The following DMRT1 variants were observed in gnomAD, a reference collection of about 807,000 sequenced individuals.
The protein encoded by DMRT1 is doublesex- and mab-3-related transcription factor 1.
In DMRT1, 7 loss-of-function variants were observed where a neutral mutation model predicts 32.3. The ratio of observed to expected loss-of-function variants is 0.22; its 90% CI spans 0.12 to 0.41. The LOEUF (loss-of-function observed/expected upper bound fraction) is 0.41. DMRT1 is among the 10% of genes least tolerant of loss of function. DMRT1 has a pLI of 1.00. For synonymous variants in DMRT1, 278 were observed against 206.1 expected (o/e 1.35, Z -2.99); for missense variants, 625 against 500.5 (o/e 1.25, Z -2.37).
intron 2 of DMRT1, among the ~76,000 whole-genome samples, chr9:848,702 C>T (rs1484908974): frequency 6.7e-6 from 1 of 149,648 alleles, no homozygotes; most frequent in East Asian, 2.0e-4. Context: ...TACAGGCGCC[C>T]GCCACCACAC....
chr9:941,693 T>G (rs1220702001), intron 4 of DMRT1, among the ~76,000 whole-genome samples: 1 of 152,132 alleles, frequency 6.6e-6, no homozygotes, highest in Non-Finnish European at 1.5e-5. Flanking sequence ...GATGGTAAAT[T>G]TTATGTTTAC....
In DMRT1 at chr9:895,539, C is replaced by T. The variant is rs546047926; in HGVS notation, c.822+1344C>T. Among the ~76,000 whole-genome samples, 9 of 152,176 alleles carry T rather than the reference C, an allele frequency of 5.9e-5. No individual in the cohort carries two copies. The East Asian group carries it at 7.7e-4, about 13-fold the overall frequency. On this transcript the variant is annotated intron_variant, in intron 3 of 4. Transcript: ENST00000382276. Reference sequence around the variant, plus strand: ...TTTTTCACTTTCCCAGCTTTATTGACGTATCATGGGTAAAAAAAGTTGTAT... The same window carrying T: ...TTTTTCACTTTCCCAGCTTTATTGATGTATCATGGGTAAAAAAAGTTGTAT...
chr9:842,481 C>A (rs1274923788), intron 1 of DMRT1: 2 of 407,636 alleles, frequency 4.9e-6, no homozygotes, highest in Admixed American at 8.4e-5. Context: ...GGTGATCCAC[C>A]CGCCTCGGCC....
intron 2 of DMRT1, among the ~76,000 whole-genome samples, chr9:862,489 AGGGGAGACGAGGACCGTGCAAT>A (rs1815761121): frequency 2.1e-5 from 2 of 94,880 alleles, no homozygotes; most frequent in South Asian, 4.0e-4. Context: ...GACGGTGCAA[AGGGGAGACGAGGACCGTGCAAT>A]GGGGAGGGGG....
chr9:866,919 G>C (rs180732842), intron 2 of DMRT1, among the ~76,000 whole-genome samples: 1 of 152,062 alleles, frequency 6.6e-6, no homozygotes, highest in Non-Finnish European at 1.5e-5. Context: ...TTGAATAAGC[G>C]GCCTTATTGG....
At chr9:854,448 T>C (rs1315710478) in intron 2 of DMRT1, among the ~76,000 whole-genome samples, 1 of 152,072 alleles carries the variant, frequency 6.6e-6, no homozygotes, top group Non-Finnish European at 1.5e-5. Flanking sequence ...CATGCCTGGC[T>C]AATTTTTGTA....
chr9:859,506 G>T (rs1815558459), intron 2 of DMRT1, among the ~76,000 whole-genome samples: 1 of 152,174 alleles, frequency 6.6e-6, no homozygotes. Context: ...GTTGTCAAAA[G>T]CAGCTATGCA....
intron 2 of DMRT1, among the ~76,000 whole-genome samples, chr9:862,189 C>T (rs1277125396): frequency 6.6e-5 from 10 of 151,442 alleles, no homozygotes; most frequent in Admixed American, 5.3e-4. Context: ...GAGATCACGC[C>T]ACTGCACTCC....
chr9:898,938 G>T lies in DMRT1; in HGVS notation c.822+4743G>T, dbSNP rs796238822. On this transcript the variant is annotated intron_variant, in intron 3 of 4. Transcript: ENST00000382276. ...AATATCTTTTCATTTATCTGTCTTCGGTTTCTCTCATCAGTGTTTTATAGT... is the reference window on the plus strand; with the variant it reads ...AATATCTTTTCATTTATCTGTCTTCTGTTTCTCTCATCAGTGTTTTATAGT... 5.3e-5 allele frequency among the ~76,000 whole-genome samples: 8 copies of T among 152,008 alleles called. 1 individual carries two copies. The highest frequency in any genetic ancestry group is 1.9e-4 in the African/African-American group (8 of 41,486).
At chr9:901,049 C>T (rs1456722381) in intron 3 of DMRT1, among the ~76,000 whole-genome samples, 1 of 151,656 alleles carries the variant, frequency 6.6e-6, no homozygotes, top group South Asian at 2.1e-4. Flanking sequence ...GGATCTTGCT[C>T]TCTCACCCAG....
intron 3 of DMRT1, among the ~76,000 whole-genome samples, chr9:902,256 GT>G (rs201854367): frequency 1.9e-4 from 28 of 143,780 alleles, no homozygotes; most frequent in African/African-American, 8.1e-4. Flanking sequence ...ATGGTGGGAT[GT>G]TTTTTGTTAA....
intron 4 of DMRT1, among the ~76,000 whole-genome samples, chr9:937,548 G>A (rs1818927429): frequency 6.6e-6 from 1 of 152,182 alleles, no homozygotes; most frequent in Non-Finnish European, 1.5e-5. Context: ...CCTAATGGGT[G>A]TAAAGTGGAA....
At chr9:868,976 A>T (rs1816113024) in intron 2 of DMRT1, among the ~76,000 whole-genome samples, 1 of 152,098 alleles carries the variant, frequency 6.6e-6, no homozygotes. Flanking sequence ...GTGCCACCTC[A>T]CTCCAGCCTG....
chr9:910,334 A>G (rs907376690), intron 3 of DMRT1, among the ~76,000 whole-genome samples: 33 of 151,806 alleles, frequency 2.2e-4, no homozygotes, highest in African/African-American at 8.0e-4. Context: ...AAAAAAAAAG[A>G]CTGTTCCCCT....
chr9:900,787 T>C (rs564248301), intron 3 of DMRT1, among the ~76,000 whole-genome samples: 3 of 150,996 alleles, frequency 2.0e-5, no homozygotes, highest in Non-Finnish European at 4.4e-5. Flanking sequence ...TGGGTTCGAG[T>C]GATCCTCCCA....
At chr9:870,066 CT>C (rs1816168421) in intron 2 of DMRT1, among the ~76,000 whole-genome samples, 1 of 152,278 alleles carries the variant, frequency 6.6e-6, no homozygotes, top group South Asian at 2.1e-4. Context: ...AGAAGTTGAC[CT>C]TTTGGGGGCA....
chr9:867,001 G>T (rs1241056474), intron 2 of DMRT1, among the ~76,000 whole-genome samples: 2 of 152,146 alleles, frequency 1.3e-5, no homozygotes, highest in Non-Finnish European at 2.9e-5. Context: ...TCTAAAAGAT[G>T]TAGATAAACT....
At position 894,109 on chromosome 9, in the gene DMRT1, A is replaced by C; in HGVS notation, c.736A>C (p.Asn246His). 1 of 1,614,198 alleles carries C rather than the reference A, an allele frequency of 6.2e-7. No individual in the cohort carries two copies. The highest frequency in any genetic ancestry group is 8.5e-7 in the Non-Finnish European group (1 of 1,180,012). Residue 246 changes from asparagine (N) to histidine (H), a missense_variant, in exon 3 of 5, where the codon AAT (asparagine) becomes CAT (histidine). Asn to His is a moderately conservative substitution (Grantham distance 68). Around this residue, in one of 3 missense-constraint regions of DMRT1, gnomAD observed 416 missense variants for 321.6 expected, o/e 1.29. Coordinates refer to ENST00000382276, the MANE Select transcript of DMRT1 (RefSeq NM_021951.3). ...AADSASGEVGNPLGGSPVKNS... is the reference protein window; with the variant it reads ...AADSASGEVGHPLGGSPVKNS... Reference sequence around the variant, plus strand: ...TGATTCTGCTTCTGGGGAGGTGGGAAATCCCCTCGGGGGATCCCCTGTGAA... The same window carrying C: ...TGATTCTGCTTCTGGGGAGGTGGGACATCCCCTCGGGGGATCCCCTGTGAA...
intron 1 of DMRT1, among the ~76,000 whole-genome samples, chr9:844,879 C>T (rs1457648091): frequency 6.6e-6 from 1 of 152,042 alleles, no homozygotes; most frequent in Non-Finnish European, 1.5e-5. Context: ...CGCCACCACA[C>T]CCGGTTAATT....
Sources: allele counts gnomAD v4.1 joint callset (sites outside exome capture counted in the v4.1 genomes callset), GRCh38; gene constraint gnomAD v4.1.1; regional missense constraint gnomAD v4.1.1; transcripts MANE v1.5; gene names NCBI Gene and HGNC (gene_info 2026-07-23, HGNC 2026-07-21).